The following MET variants were observed in gnomAD, a reference collection of about 807,000 sequenced individuals.
MET encodes the protein hepatocyte growth factor receptor.
Under a neutral mutation model 133.1 loss-of-function variants are expected in MET, and 48 were observed. The observed-to-expected ratio is 0.36, with a 90% CI of 0.29 to 0.46. The LOEUF is 0.46. MET is among the 20% of genes least tolerant of loss of function. The pLI is 1.00. For missense variants in MET, 1,442 were observed against 1,695.9 expected (o/e 0.85, Z 2.63); for synonymous variants, 628 against 616.5 (o/e 1.02, Z -0.28).
intron 3 of MET, among the ~76,000 whole-genome samples, chr7:116,739,186 A>C (rs1301787596): frequency 6.6e-6 from 1 of 152,190 alleles, no homozygotes; most frequent in Admixed American, 6.5e-5. Context: ...TATGCTCTGA[A>C]CTTTATTATT....
intron 1 of MET, among the ~76,000 whole-genome samples, chr7:116,674,922 G>A (rs1211023131): frequency 6.6e-6 from 1 of 152,170 alleles, no homozygotes; most frequent in Non-Finnish European, 1.5e-5. Context: ...TTTATTCATA[G>A]GATACTCAAT....
chr7:116,758,108 GTAA>G (rs1178832992), intron 8 of MET, among the ~76,000 whole-genome samples: 1 of 152,118 alleles, frequency 6.6e-6, no homozygotes, highest in Non-Finnish European at 1.5e-5. Context: ...ATCAAGATTT[GTAA>G]TTAGACTAAG....
intron 15 of MET, 32 bp from the exon 16 acceptor site, chr7:116,777,357 G>A (rs775200178): frequency 1.2e-5 from 18 of 1,524,228 alleles, no homozygotes; most frequent in South Asian, 6.7e-5. Context: ...TAAATGTTAC[G>A]CAGTGCTAAC....
At chr7:116,704,534 G>A (rs1791712352) in intron 2 of MET, among the ~76,000 whole-genome samples, 1 of 152,096 alleles carries the variant, frequency 6.6e-6, no homozygotes, top group Non-Finnish European at 1.5e-5. Context: ...CTCTGGAAGA[G>A]GCACATTCTG....
intron 1 of MET, among the ~76,000 whole-genome samples, chr7:116,688,843 T>C (rs1003131579): frequency 2.5e-4 from 38 of 152,338 alleles, no homozygotes; most frequent in Admixed American, 2.3e-3. Flanking sequence ...ACTTTTTAAA[T>C]GATTATAGGA....
intron 1 of MET, among the ~76,000 whole-genome samples, chr7:116,678,488 A>T (rs751541593): frequency 4.6e-5 from 7 of 152,140 alleles, no homozygotes; most frequent in Non-Finnish European, 1.0e-4. Flanking sequence ...ACCGTGGAAG[A>T]TTTCTAATTT....
chr7:116,793,036 T>C (rs961149186), intron 19 of MET, among the ~76,000 whole-genome samples: 1 of 152,216 alleles, frequency 6.6e-6, no homozygotes, highest in Non-Finnish European at 1.5e-5. Context: ...CACCTATTCT[T>C]ATTCAGAAAC....
At chr7:116,751,401 AT>A (rs2116886598) in intron 5 of MET, among the ~76,000 whole-genome samples, 1 of 152,302 alleles carries the variant, frequency 6.6e-6, no homozygotes, top group South Asian at 2.1e-4. Context: ...GGAGGGAAAC[AT>A]CACACATAGG....
chr7:116,793,415 TCTGC>T (rs1233166956), intron 19 of MET, among the ~76,000 whole-genome samples: 15 of 151,708 alleles, frequency 9.9e-5, no homozygotes, highest in African/African-American at 3.4e-4. Context: ...CCTCAAGTGA[TCTGC>T]CCACCCCCGC....
intron 1 of MET, among the ~76,000 whole-genome samples, chr7:116,695,415 T>C (rs1321270978): frequency 6.6e-6 from 1 of 152,228 alleles, no homozygotes; most frequent in Admixed American, 6.5e-5. Flanking sequence ...ATATATACTC[T>C]ATATTGATCA....
chr7:116,741,691 C>A (rs947882403), intron 5 of MET, among the ~76,000 whole-genome samples: 4 of 152,044 alleles, frequency 2.6e-5, no homozygotes, highest in African/African-American at 9.7e-5. Flanking sequence ...TCAGTGTTCC[C>A]AGAAAAAAAA....
chr7:116,737,553 T>A (rs1037500697), intron 3 of MET, among the ~76,000 whole-genome samples: 4 of 152,200 alleles, frequency 2.6e-5, no homozygotes, highest in Admixed American at 2.0e-4. Context: ...ATCTGACTCA[T>A]GTACTTTCTA....
intron 1 of MET, 146 bp from the exon 2 acceptor site, chr7:116,698,925 T>C: frequency 9.0e-7 from 1 of 1,106,554 alleles, no homozygotes. Flanking sequence ...CATCTTTATG[T>C]GAAACTTGCT....
intron 19 of MET, 75 bp downstream of exon 19, chr7:116,783,544 T>G: frequency 6.6e-7 from 1 of 1,514,816 alleles, no homozygotes; most frequent in Non-Finnish European, 9.0e-7. Flanking sequence ...TTATCACTAC[T>G]TAATTTTTTA....
intron 1 of MET, among the ~76,000 whole-genome samples, chr7:116,695,598 G>A (rs976547981): frequency 6.6e-6 from 1 of 152,148 alleles, no homozygotes; most frequent in African/African-American, 2.4e-5. Flanking sequence ...CTCCCACCTC[G>A]CTTTGGAAGC....
At chr7:116,718,282 A>G (rs1792324330) in intron 2 of MET, among the ~76,000 whole-genome samples, 1 of 152,190 alleles carries the variant, frequency 6.6e-6, no homozygotes. Context: ...TCAGCTATTC[A>G]GGAGGCTGAA....
At chr7:116,756,258 T>A (rs1166033796) in intron 6 of MET, among the ~76,000 whole-genome samples, 2 of 152,202 alleles carry the variant, frequency 1.3e-5, no homozygotes, top group Admixed American at 6.5e-5. Context: ...TTGAATTCCA[T>A]AATCATCAGA....
chr7:116,724,016 T>TAC (rs1215352770), intron 2 of MET: 1 of 159,954 alleles, frequency 6.3e-6, no homozygotes, highest in Non-Finnish European at 1.4e-5. Flanking sequence ...TCCACCCAGT[T>TAC]CTAGCTTCCA....
intron 1 of MET, among the ~76,000 whole-genome samples, chr7:116,697,324 T>A (rs771150095): frequency 6.6e-6 from 1 of 152,168 alleles, no homozygotes; most frequent in African/African-American, 2.4e-5. Flanking sequence ...CTGGCTCTTG[T>A]TACCTCATTA....
Sources: allele counts gnomAD v4.1 joint callset (sites outside exome capture counted in the v4.1 genomes callset), GRCh38; gene constraint gnomAD v4.1.1; transcripts MANE v1.5; gene names NCBI Gene and HGNC (gene_info 2026-07-23, HGNC 2026-07-21).